Variants in RBFOX1 observed in about 807,000 individuals in gnomAD.
The protein encoded by RBFOX1 is RNA binding protein fox-1 homolog 1.
A neutral mutation model predicts 57.7 loss-of-function variants in RBFOX1; 8 were observed. The observed-to-expected ratio is 0.14, with a 90% CI of 0.08 to 0.25. The LOEUF (loss-of-function observed/expected upper bound fraction) is 0.25. RBFOX1 is among the 10% of genes least tolerant of loss of function. The probability of loss-of-function intolerance (pLI) is 1.00; values close to 1 mark genes in which losing one functional copy is unlikely to be tolerated. For missense variants in RBFOX1, 611 were observed against 548.5 expected (o/e 1.11, Z -1.14); for synonymous variants, 326 against 222.4 (o/e 1.47, Z -4.15).
intron 4 of RBFOX1, among the ~76,000 whole-genome samples, chr16:5,878,381 A>C (rs940663306): frequency 6.6e-6 from 1 of 152,186 alleles, no homozygotes; most frequent in Non-Finnish European, 1.5e-5. Context: ...ATTAATGTAG[A>C]CTTCATTTAA....
intron 1 of RBFOX1, among the ~76,000 whole-genome samples, chr16:6,192,503 C>G (rs1424122222): frequency 2.0e-5 from 3 of 152,102 alleles, no homozygotes; most frequent in Admixed American, 2.0e-4. Context: ...CCCCCATACA[C>G]ATGCACAGCT....
chr16:6,703,725 G>A (rs1330139193), intron 3 of RBFOX1, among the ~76,000 whole-genome samples: 2 of 151,918 alleles, frequency 1.3e-5, no homozygotes, highest in Non-Finnish European at 2.9e-5. Context: ...AAAAAGAAAA[G>A]AAAAAAGAAA....
intron 2 of RBFOX1, among the ~76,000 whole-genome samples, chr16:6,325,405 G>T (rs1169796572): frequency 6.6e-6 from 1 of 152,140 alleles, no homozygotes; most frequent in Non-Finnish European, 1.5e-5. Flanking sequence ...AATTTCACCT[G>T]CATTCACCTT....
intron 1 of RBFOX1, among the ~76,000 whole-genome samples, chr16:5,450,612 C>G (rs893499009): frequency 8.5e-5 from 13 of 152,124 alleles, no homozygotes; most frequent in African/African-American, 3.1e-4. Flanking sequence ...ATGCAAATGG[C>G]TCCACAGGGG....
chr16:6,155,747 T>TA (rs1177483157), intron 1 of RBFOX1, among the ~76,000 whole-genome samples: 2 of 152,196 alleles, frequency 1.3e-5, no homozygotes, highest in African/African-American at 4.8e-5. Flanking sequence ...GGCAGGTGGC[T>TA]AACAGCGGCG....
At chr16:6,837,362 G>A (rs888494148) in intron 3 of RBFOX1, among the ~76,000 whole-genome samples, 11 of 152,198 alleles carry the variant, frequency 7.2e-5, no homozygotes, top group African/African-American at 2.7e-4. Flanking sequence ...TGGAGTCAGA[G>A]TTCTTGGGTT....
chr16:7,534,086 CTTTTTTT>C (rs529708813), intron 5 of RBFOX1, among the ~76,000 whole-genome samples: 1 of 129,924 alleles, frequency 7.7e-6, no homozygotes, highest in African/African-American at 2.9e-5. Context: ...CGTTTTTTTT[CTTTTTTT>C]TTTTTTTTTG....
intron 3 of RBFOX1, among the ~76,000 whole-genome samples, chr16:6,926,984 A>G (rs754213249): frequency 1.3e-5 from 2 of 152,120 alleles, no homozygotes; most frequent in Non-Finnish European, 2.9e-5. Flanking sequence ...CCAGCTTCTC[A>G]GACAGCTTTG....
chr16:6,719,336 A>G (rs2065469926), intron 3 of RBFOX1, among the ~76,000 whole-genome samples: 1 of 152,208 alleles, frequency 6.6e-6, no homozygotes, highest in Non-Finnish European at 1.5e-5. Flanking sequence ...ACATCAATTA[A>G]ACTCAGAAAA....
intron 3 of RBFOX1, among the ~76,000 whole-genome samples, chr16:6,941,492 A>G (rs898592967): frequency 4.6e-5 from 7 of 151,996 alleles, no homozygotes; most frequent in Admixed American, 4.6e-4. Flanking sequence ...CTTTTGATCT[A>G]TTCTTTCTTC....
chr16:7,286,458 T>C (rs2095653351), intron 4 of RBFOX1, among the ~76,000 whole-genome samples: 1 of 148,884 alleles, frequency 6.7e-6, no homozygotes, highest in Non-Finnish European at 1.5e-5. Context: ...ATTTTTTTTT[T>C]TTTTTTTTTG....
intron 4 of RBFOX1, among the ~76,000 whole-genome samples, chr16:7,363,961 A>G (rs1402558425): frequency 1.3e-5 from 2 of 152,146 alleles, no homozygotes; most frequent in Non-Finnish European, 2.9e-5. Context: ...TATGGTGAGG[A>G]AAAGAGGACA....
chr16:6,361,344 G>C (rs951973655), intron 2 of RBFOX1, among the ~76,000 whole-genome samples: 3 of 151,998 alleles, frequency 2.0e-5, no homozygotes, highest in African/African-American at 7.2e-5. Context: ...AAAGATCATG[G>C]CTGGGCCAGG....
chr16:6,382,753 G>A (rs933056847), intron 2 of RBFOX1, among the ~76,000 whole-genome samples: 4 of 152,270 alleles, frequency 2.6e-5, no homozygotes, highest in African/African-American at 9.6e-5. Context: ...CCAGCTACTT[G>A]GGAGGCTGAG....
intron 4 of RBFOX1, among the ~76,000 whole-genome samples, chr16:7,278,562 T>A (rs1446070582): frequency 2.6e-5 from 4 of 152,202 alleles, no homozygotes; most frequent in Non-Finnish European, 5.9e-5. Flanking sequence ...ATCATGACTG[T>A]CTGTGGGATG....
intron 1 of RBFOX1, among the ~76,000 whole-genome samples, chr16:6,134,649 G>T (rs1397143348): frequency 6.6e-6 from 1 of 151,534 alleles, no homozygotes; most frequent in African/African-American, 2.4e-5. Context: ...AGTGCCCCCT[G>T]TGGCCCAGCA....
intron 12 of RBFOX1, among the ~76,000 whole-genome samples, chr16:7,663,856 G>C (rs2068455959): frequency 1.3e-5 from 2 of 152,184 alleles, no homozygotes; most frequent in African/African-American, 4.8e-5. Context: ...TTCATGCTTA[G>C]GAAATACAAA....
At chr16:6,217,423 A>G (rs1185203183) in intron 1 of RBFOX1, among the ~76,000 whole-genome samples, 1 of 152,130 alleles carries the variant, frequency 6.6e-6, no homozygotes, top group African/African-American at 2.4e-5. Context: ...AGAAAACGTG[A>G]TAATCAAACA....
Position 6,533,570 on chromosome 16 carries a change from T to C in RBFOX1, c.-63-121033T>C, listed in dbSNP as rs191392149. Among the ~76,000 whole-genome samples, 3 of 152,064 alleles carry C rather than the reference T, an allele frequency of 2.0e-5. No individual in the cohort carries two copies. The East Asian group carries it at 5.8e-4, about 29-fold the overall frequency. The stretch of plus-strand genomic sequence containing the variant: ...TTAAGACCCAAGACATATGGTAACA[T>C]ACAGAGTCAAGTGATTTTTTTTTTT... On this transcript the variant is annotated intron_variant, in intron 2 of 15. Coordinates refer to ENST00000550418, the MANE Select transcript of RBFOX1 (RefSeq NM_018723.4).
Sources: allele counts gnomAD v4.1 joint callset (sites outside exome capture counted in the v4.1 genomes callset), GRCh38; gene constraint gnomAD v4.1.1; transcripts MANE v1.5; gene names NCBI Gene and HGNC (gene_info 2026-07-23, HGNC 2026-07-21).